FAM170A: variants seen among roughly 807,000 people sequenced by gnomAD.
FAM170A encodes the protein protein FAM170A.
Under a neutral mutation model 36.6 loss-of-function variants are expected in FAM170A, and 28 were observed. The observed-to-expected ratio is 0.76, with a 90% CI of 0.57 to 1.05. The LOEUF is 1.05. Among genes scored for constraint, FAM170A ranks in the 50% least tolerant of loss-of-function variants. The pLI is 0.00. For missense variants in FAM170A, 434 were observed against 396.5 expected (o/e 1.09, Z -0.80); for synonymous variants, 156 against 143.9 (o/e 1.08, Z -0.60).
intron 2 of FAM170A, 118 bp downstream of exon 2, chr5:119,633,006 G>A (rs1756289173): frequency 1.7e-6 from 2 of 1,180,944 alleles, no homozygotes; most frequent in Non-Finnish European, 2.3e-6. Context: ...GTGCTGCTTG[G>A]GTGTAAGACT....
At chr5:119,630,321 A>ATTTT (rs10603530) in intron 1 of FAM170A, among the ~76,000 whole-genome samples, 21 of 118,362 alleles carry the variant, frequency 1.8e-4, no homozygotes, top group African/African-American at 7.5e-4. Context: ...CGCCTGGCTA[A>ATTTT]TTTTTTTTTT....
intron 2 of FAM170A, 101 bp from the exon 3 acceptor site, chr5:119,633,849 GCTGCATCTCA>G (rs1756310534): frequency 7.3e-7 from 1 of 1,364,662 alleles, no homozygotes; most frequent in African/African-American, 1.5e-5. Context: ...TCACTACACA[GCTGCATCTCA>G]CCACAGTCCC....
chr5:119,629,804 T>C (rs1171950697), exon 1 of FAM170A: 1 of 1,613,594 alleles, frequency 6.2e-7, no homozygotes, highest in Non-Finnish European at 8.5e-7. Context: ...ATTTGGAAAA[T>C]GAAGAGTCCC....
At chr5:119,635,155 C>CT in intron 4 of FAM170A, 69 bp downstream of exon 4, 7 of 1,145,748 alleles carry the variant, frequency 6.1e-6, no homozygotes, top group Non-Finnish European at 9.1e-6. Context: ...AGGGAAGGAG[C>CT]TGCAGGGATG....
At chr5:119,634,502 A>C in exon 3 of FAM170A, 2 of 1,614,032 alleles carry the variant, frequency 1.2e-6, no homozygotes, top group Non-Finnish European at 1.7e-6. Context: ...GTTTGGGATC[A>C]GAGAGGGCTT....
chr5:119,630,728 G>C (rs1756231683), intron 1 of FAM170A, among the ~76,000 whole-genome samples: 1 of 152,204 alleles, frequency 6.6e-6, no homozygotes, highest in South Asian at 2.1e-4. Context: ...AAGACCCAGT[G>C]ATGCAGCCTG....
rs1580766740 is a variant in FAM170A, at chr5:119,635,200, A to G, written c.*52+114A>G. ...ACCTGGTGGCTCTGCAGCCACATCA[A>G]CTTATCGTGCACCTGGTGCTTCTGG... On this transcript the variant is annotated intron_variant, in intron 4 of 4. Coordinates refer to ENST00000613773, the Ensembl canonical transcript of FAM170A. 1.0e-5 allele frequency: 7 copies of G among 698,170 alleles called. No homozygotes were observed. The East Asian group carries it at 1.9e-4, about 19-fold the overall frequency. 43.2% of individuals were successfully genotyped at this position (698,170 alleles called of 1,614,324 possible). A position where few individuals can be genotyped will look rare whatever the true frequency, so the allele number is the denominator to read the frequency against.
At chr5:119,635,213 C>T (rs1756356029) in intron 4 of FAM170A, 127 bp downstream of exon 4, 1 of 645,830 alleles carries the variant, frequency 1.5e-6, no homozygotes, top group Non-Finnish European at 2.8e-6. Context: ...TATCGTGCAC[C>T]TGGTGCTTCT....
At position 119,634,650 on chromosome 5, in the gene FAM170A, G is replaced by A. The variant is rs770553476; in HGVS notation, c.902G>A (p.Gly301Glu). The A allele has an allele frequency of 3.1e-6, 5 of 1,603,248 alleles. No individual in the cohort carries two copies. In the Admixed American group the frequency reaches 5.1e-5, roughly 16 times the overall value. Residue 301 changes from glycine (G) to glutamate (E), a missense_variant, in exon 3 of 5, where the codon GGG becomes GAG. By Grantham distance (98) the Gly-to-Glu change is moderately conservative. Coordinates refer to ENST00000613773, the Ensembl canonical transcript of FAM170A. Reference sequence around the variant, plus strand: ...AAACCAGAAGCAAAGGAGGAGGAGGGGCAGCCCACAGAAGAAGACCTTGGC... The same window carrying A: ...AAACCAGAAGCAAAGGAGGAGGAGGAGCAGCCCACAGAAGAAGACCTTGGC...
At chr5:119,632,637 G>T in intron 1 of FAM170A, 111 bp from the exon 2 acceptor site, 1 of 1,007,386 alleles carries the variant, frequency 9.9e-7, no homozygotes, top group Non-Finnish European at 1.4e-6. Context: ...AACCATGTGT[G>T]TTCACTACAC....
chr5:119,632,967 C>A, intron 2 of FAM170A, 79 bp downstream of exon 2: 1 of 1,441,740 alleles, frequency 6.9e-7, no homozygotes, highest in Non-Finnish European at 9.4e-7. Context: ...GAGTGTGGGG[C>A]TCTGTGGGCA....
Position 119,634,259 on chromosome 5 carries a change from A to G in FAM170A, c.511A>G (p.Thr171Ala), listed in dbSNP as rs374974825. ...CCTTTCTGAGGTTGTGAGGGTAGGT[A>G]CTCCCCCCTCTGATGTGTCCACCAG... The change falls in exon 3 of 5, where the codon ACT (threonine) becomes GCT (alanine). Residue 171 changes from threonine (T) to alanine (A), a missense_variant. Coordinates refer to ENST00000613773, the Ensembl canonical transcript of FAM170A. 30 of 1,613,798 alleles carry G rather than the reference A, an allele frequency of 1.9e-5. No individual in the cohort carries two copies. The African/African-American group carries it at 3.7e-4, about 20-fold the overall frequency.
At chr5:119,635,201 C>G in intron 4 of FAM170A, 115 bp downstream of exon 4, 1 of 694,612 alleles carries the variant, frequency 1.4e-6, no homozygotes, top group Non-Finnish European at 2.5e-6. Flanking sequence ...GCCACATCAA[C>G]TTATCGTGCA....
intron 1 of FAM170A, among the ~76,000 whole-genome samples, chr5:119,632,055 ATACT>A (rs1462192538): frequency 3.3e-5 from 5 of 152,240 alleles, no homozygotes; most frequent in Non-Finnish European, 7.3e-5. Context: ...TGCACGGGAC[ATACT>A]TACGCTAAAA....
chr5:119,634,187 G>A lies in FAM170A; in HGVS notation c.439G>A (p.Glu147Lys), dbSNP rs371753307. 7.8e-5 allele frequency: 126 copies of A among 1,614,106 alleles called. No individual in the cohort carries two copies. The highest frequency in any genetic ancestry group is 1.3e-4 in the Admixed American group (8 of 60,010). The change falls in exon 3 of 5, where the codon GAA (glutamate) becomes AAA (lysine). Residue 147 changes from glutamate (E) to lysine (K), a missense_variant. Coordinates refer to ENST00000613773, the Ensembl canonical transcript of FAM170A. ...TGTGGCTGTCTCCTGGGAGACAGAG[G>A]AAACTTTGGAGTCCTTAGAAAAGCA...
Position 119,634,438 on chromosome 5 carries a change from C to A in FAM170A, c.690C>A (p.Cys230Ter). 1.2e-6 allele frequency: 2 copies of A among 1,614,156 alleles called. No individual in the cohort carries two copies. Among genetic ancestry groups the A allele is most frequent in the Non-Finnish European group, 1.7e-6 (2 of 1,180,044 alleles). Residue 230 changes from cysteine to a stop codon, truncating the protein, a stop_gained, in exon 3 of 5, where the codon TGC becomes TGA. Transcript: ENST00000613773. LOFTEE classifies it high-confidence loss of function. ...TGACCATGGAGAACGGCTTCAGGTG[C>A]ATGGCCTGCTGCCGGGTGTTCACCA... is the stretch of plus-strand genomic sequence containing the variant.
chr5:119,634,637 AAGG>A (rs1561525162), exon 3 of FAM170A: 2 of 1,609,640 alleles, frequency 1.2e-6, no homozygotes. Context: ...ACCAGAAGCA[AAGG>A]AGGAGGAGGG....
At chr5:119,635,470 C>G (rs943587628) in intron 4 of FAM170A, among the ~76,000 whole-genome samples, 4 of 152,064 alleles carry the variant, frequency 2.6e-5, no homozygotes, top group African/African-American at 9.7e-5. Context: ...TAGATATAGC[C>G]CTTGGGGAAA....
intron 2 of FAM170A, among the ~76,000 whole-genome samples, chr5:119,633,257 C>T (rs1027211828): frequency 1.3e-5 from 2 of 152,030 alleles, no homozygotes; most frequent in African/African-American, 4.8e-5. Flanking sequence ...AAGAAGAAAC[C>T]CAGGGCAGTT....
Sources: gnomAD v4.1 joint callset for allele counts (sites outside exome capture counted in the v4.1 genomes callset) on GRCh38, gnomAD v4.1.1 for gene constraint, MANE v1.5 for transcripts, NCBI Gene and HGNC (gene_info 2026-07-23, HGNC 2026-07-21) for gene names.